LRRC8B: variants seen among roughly 807,000 people sequenced by gnomAD.
LRRC8B encodes volume-regulated anion channel subunit LRRC8B.
LRRC8B carries 23 observed loss-of-function variants against 58.8 expected under a neutral mutation model. That is an observed-to-expected ratio of 0.39 (90% confidence interval 0.28 to 0.55). LRRC8B has a LOEUF of 0.55. LRRC8B is among the 20% of genes least tolerant of loss of function. The probability of loss-of-function intolerance (pLI) is 0.62; values close to 1 mark genes in which losing one functional copy is unlikely to be tolerated. For missense variants in LRRC8B, 694 were observed against 936.0 expected, an observed-to-expected ratio of 0.74 and a Z score of 3.37; for synonymous variants, 359 against 374.1, an observed-to-expected ratio of 0.96 and a Z score of 0.47.
rs1428845530 is a variant in LRRC8B, at chr1:89,524,997, G to A, written c.-266G>A. On this transcript the variant is annotated 5_prime_UTR_variant, in exon 1 of 6. Transcript: ENST00000330947. ...CCCAGGAGCACGCCGCGGGGAGCGC[G>A]GGCGTCCGGGGCTGGAGTCGCGCAG... is the stretch of plus-strand genomic sequence containing the variant. 2 of 152,152 alleles carry A rather than the reference G, an allele frequency of 1.3e-5. No individual in the cohort carries two copies. The highest frequency in any genetic ancestry group is 4.8e-5 in the African/African-American group (2 of 41,448). 9.4% of individuals were successfully genotyped at this position (152,152 alleles called of 1,614,324 possible). A position where few individuals can be genotyped will look rare whatever the true frequency, so the allele number is the denominator to read the frequency against.
chr1:89,595,878 G>A lies in LRRC8B; in HGVS notation c.*2835G>A, dbSNP rs184099382. ...GTTAAATTATAATTATGAGACTTTC[G>A]TTGGCATTTGATTTCAAGAATACAT... On this transcript the variant is annotated 3_prime_UTR_variant, in exon 6 of 6. Coordinates refer to ENST00000330947, the MANE Select transcript of LRRC8B (RefSeq NM_001369817.2). 1.1e-4 allele frequency: 16 copies of A among 152,122 alleles called. No homozygotes were observed. Among genetic ancestry groups the A allele is most frequent in the Admixed American group, 7.2e-4 (11 of 15,296 alleles). The allele number at this position is 152,122 out of a possible 1,614,324, so 9.4% of individuals were successfully genotyped here. A position where few individuals can be genotyped will look rare whatever the true frequency, so the allele number is the denominator to read the frequency against.
At position 89,583,130 on chromosome 1, in the gene LRRC8B, C is replaced by T. The variant is rs190907617; in HGVS notation, c.480C>T (p.Phe160=). Residue 160 remains phenylalanine, a synonymous_variant, in exon 5 of 6, where the codon TTC becomes TTT. Transcript: ENST00000330947. This position sits in a 1 kb window ranked among gnomAD's most constrained non-coding sequence, Gnocchi z 5.2. ...TTGTGGCCATCCTTCACAAGTGCTT[C>T]GATTCTCCATGGACCACCCGCGCCC... The part of the protein sequence containing the change: ...EHFVAILHKC[F]DSPWTTRALS... The T allele has an allele frequency of 1.1e-4, 172 of 1,614,120 alleles. 1 individual carries two copies. In the East Asian group the frequency reaches 2.9e-3, roughly 27 times the overall value.
chr1:89,549,163 A>G (rs1447371120), intron 1 of LRRC8B, among the ~76,000 whole-genome samples: 1 of 152,234 alleles, frequency 6.6e-6, no homozygotes, highest in Non-Finnish European at 1.5e-5. Flanking sequence ...CAACATAAGT[A>G]TATAGTACAT....
At position 89,583,223 on chromosome 1, in the gene LRRC8B, G is replaced by A. The variant is rs114525158; in HGVS notation, c.573G>A (p.Ser191=). Residue 191 remains serine (S), a synonymous_variant, in exon 5 of 6, where the codon TCG becomes TCA. Transcript: ENST00000330947. The surrounding 1 kb of genome is among the most constrained non-coding windows in gnomAD (Gnocchi z 5.2). ...LKLSKSKILL[S]SSGCSADIDS... The stretch of plus-strand genomic sequence containing the variant: ...TCTCCAAGTCCAAGATTTTGCTTTC[G>A]TCCTCAGGGTGTTCAGCTGACATAG... 657 of 1,614,092 alleles carry A rather than the reference G, an allele frequency of 4.1e-4. 3 individuals are homozygous for A. In the African/African-American group the frequency reaches 7.5e-3, roughly 18 times the overall value.
In LRRC8B at chr1:89,541,710, C is replaced by CA. The variant is rs61714771; in HGVS notation, c.-241+16727dup. Among the ~76,000 whole-genome samples the CA allele has an allele frequency of 8.4e-3, 356 of 42,230 alleles. 105 individuals are homozygous for CA. The highest frequency in any genetic ancestry group is 0.012 in the African/African-American group (115 of 9,220). The allele number at this position is 42,230 out of a possible 152,430, so 27.7% of individuals were successfully genotyped here. ...TGGGCGACAGAGGGAGACTCCGTCT[C>CA]AAAAAAAAAAAAAAAAAAAAAAAAA... On this transcript the variant is annotated intron_variant, in intron 1 of 5. Coordinates refer to ENST00000330947, the MANE Select transcript of LRRC8B (RefSeq NM_001369817.2).
At chr1:89,534,308 A>C (rs1291824849) in intron 1 of LRRC8B, among the ~76,000 whole-genome samples, 1 of 152,230 alleles carries the variant, frequency 6.6e-6, no homozygotes, top group Non-Finnish European at 1.5e-5. Context: ...AAATGTACCC[A>C]ATGGAAGTTA....
Position 89,579,586 on chromosome 1 carries a change from C to T in LRRC8B, c.-124-5C>T, listed in dbSNP as rs1654079560. 6.6e-6 allele frequency: 1 copy of T among 152,598 alleles called. No homozygotes were observed. The highest frequency in any genetic ancestry group is 2.4e-5 in the African/African-American group (1 of 41,428). The allele number at this position is 152,598 out of a possible 1,614,324, so 9.5% of individuals were successfully genotyped here. On this transcript the variant is annotated splice_polypyrimidine_tract_variant and splice_region_variant and intron_variant, in intron 3 of 5. Coordinates refer to ENST00000330947, the MANE Select transcript of LRRC8B (RefSeq NM_001369817.2). ...CTATTTCAAGATATCTATGTTTTCT[C>T]ATAGAATGAAGACAAACACAGAGAT...
In LRRC8B at chr1:89,544,030, A is replaced by G. The variant is rs150629991; in HGVS notation, c.-241+19008A>G. Among the ~76,000 whole-genome samples the G allele has an allele frequency of 2.8e-3, 432 of 152,232 alleles. 5 individuals carry two copies. Among genetic ancestry groups the G allele is most frequent in the African/African-American group, 9.7e-3 (402 of 41,536 alleles). ...AGGCTGGTTTTGAACTCTTGGACTCAAGTGATTCTCCCTCCTTGGCCTCCC... is the reference window on the plus strand; with the variant it reads ...AGGCTGGTTTTGAACTCTTGGACTCGAGTGATTCTCCCTCCTTGGCCTCCC... On this transcript the variant is annotated intron_variant, in intron 1 of 5. Transcript: ENST00000330947.
At chr1:89,572,351 C>T (rs1055642281) in intron 3 of LRRC8B, 10 of 152,130 alleles carry the variant, frequency 6.6e-5, no homozygotes, top group Non-Finnish European at 1.3e-4. Flanking sequence ...AAGTATCTTA[C>T]TGAGGTTCTC....
At chr1:89,565,607 G>A (rs1275400445) in intron 1 of LRRC8B, among the ~76,000 whole-genome samples, 2 of 152,206 alleles carry the variant, frequency 1.3e-5, no homozygotes, top group African/African-American at 2.4e-5. Context: ...TACCCACCAT[G>A]TGTTTGCACC....
intron 5 of LRRC8B, among the ~76,000 whole-genome samples, chr1:89,589,238 G>C (rs573718179): frequency 6.6e-6 from 1 of 152,304 alleles, no homozygotes; most frequent in Admixed American, 6.5e-5. Flanking sequence ...CAATTCACCT[G>C]AGGTCTGAAG....
chr1:89,543,007 G>A (rs923203426), intron 1 of LRRC8B, among the ~76,000 whole-genome samples: 1 of 152,008 alleles, frequency 6.6e-6, no homozygotes, highest in Non-Finnish European at 1.5e-5. Flanking sequence ...TTTAAAGTAG[G>A]GTCAAATTAC....
chr1:89,525,871 CAAAA>C (rs1024481271), intron 1 of LRRC8B, among the ~76,000 whole-genome samples: 6 of 151,530 alleles, frequency 4.0e-5, no homozygotes, highest in East Asian at 1.9e-4. Flanking sequence ...AACAAACAAA[CAAAA>C]AAACACTCCA....
intron 1 of LRRC8B, among the ~76,000 whole-genome samples, chr1:89,539,653 A>G (rs1285287090): frequency 6.6e-6 from 1 of 152,240 alleles, no homozygotes; most frequent in Non-Finnish European, 1.5e-5. Flanking sequence ...CTTCTGCTGA[A>G]GCATATTCCA....
At chr1:89,568,525 G>C (rs975602601) in intron 3 of LRRC8B, 32 bp downstream of exon 3, 2 of 152,032 alleles carry the variant, frequency 1.3e-5, no homozygotes, top group Non-Finnish European at 2.9e-5. Context: ...GTAAACACAT[G>C]GTAAAGATAA....
At chr1:89,560,350 A>G (rs1019251819) in intron 1 of LRRC8B, among the ~76,000 whole-genome samples, 4 of 151,866 alleles carry the variant, frequency 2.6e-5, no homozygotes, top group African/African-American at 7.3e-5. Context: ...TTATTAACTC[A>G]TATATAAGGC....
Position 89,575,652 on chromosome 1 carries a change from G to C in LRRC8B, c.-124-3939G>C, listed in dbSNP as rs370087532. ...TTCCTAGGAAAGGCTCTATCACCCT[G>C]AATACACCCTAAAAGTTTGAATGGT... On this transcript the variant is annotated intron_variant, in intron 3 of 5. Coordinates refer to ENST00000330947, the MANE Select transcript of LRRC8B (RefSeq NM_001369817.2). Among the ~76,000 whole-genome samples, 8 of 152,166 alleles carry C rather than the reference G, an allele frequency of 5.3e-5. No individual in the cohort carries two copies. The South Asian group carries it at 1.7e-3, about 32-fold the overall frequency.
Position 89,570,504 on chromosome 1 carries a change from A to T in LRRC8B, c.-125+2011A>T, listed in dbSNP as rs1271422267. Among the ~76,000 whole-genome samples the T allele has an allele frequency of 2.0e-5, 3 of 151,954 alleles. No homozygotes were observed. The East Asian group carries it at 5.8e-4, about 29-fold the overall frequency. ...TCATTTTTTCATATGCTTCTTGGCCATGTGTATGTCTTCTTTTGAGTAATG... is the reference window on the plus strand; with the variant it reads ...TCATTTTTTCATATGCTTCTTGGCCTTGTGTATGTCTTCTTTTGAGTAATG... On this transcript the variant is annotated intron_variant, in intron 3 of 5. Coordinates refer to ENST00000330947, the MANE Select transcript of LRRC8B (RefSeq NM_001369817.2).
At chr1:89,588,721 A>G (rs1320088219) in intron 5 of LRRC8B, among the ~76,000 whole-genome samples, 1 of 152,228 alleles carries the variant, frequency 6.6e-6, no homozygotes, top group Non-Finnish European at 1.5e-5. Flanking sequence ...CAGCCAAGAA[A>G]CAAAACCCCA....
Sources: allele counts gnomAD v4.1 joint callset (sites outside exome capture counted in the v4.1 genomes callset), GRCh38; gene constraint gnomAD v4.1.1; non-coding constraint Gnocchi (gnomAD v3.1); transcripts MANE v1.5; gene names NCBI Gene and HGNC (gene_info 2026-07-23, HGNC 2026-07-21).